OPCML: variants seen among roughly 807,000 people sequenced by gnomAD.
OPCML encodes the protein opioid binding protein/cell adhesion molecule like.
OPCML carries 13 observed loss-of-function variants against 37.8 expected under a neutral mutation model. The ratio of observed to expected loss-of-function variants is 0.34; its 90% CI spans 0.22 to 0.55. OPCML has a LOEUF of 0.55. Among genes scored for constraint, OPCML ranks in the 20% least tolerant of loss-of-function variants. The probability of loss-of-function intolerance (pLI) is 0.91; values close to 1 mark genes in which losing one functional copy is unlikely to be tolerated. For missense variants in OPCML, 341 were observed against 435.6 expected (o/e 0.78, Z 1.93); for synonymous variants, 176 against 168.8 (o/e 1.04, Z -0.33).
intron 2 of OPCML, among the ~76,000 whole-genome samples, chr11:132,753,886 C>A (rs981927657): frequency 1.3e-5 from 2 of 152,236 alleles, no homozygotes; most frequent in African/African-American, 4.8e-5. Flanking sequence ...TTACCTCTCT[C>A]TTCCTGGGAT....
chr11:133,060,444 C>T (rs1265283636), intron 1 of OPCML, among the ~76,000 whole-genome samples: 3 of 152,314 alleles, frequency 2.0e-5, no homozygotes, highest in Admixed American at 2.0e-4. Context: ...AGACAGTTCT[C>T]CACCCTTAAA....
At chr11:132,892,005 C>T (rs1387607546) in intron 2 of OPCML, among the ~76,000 whole-genome samples, 2 of 152,208 alleles carry the variant, frequency 1.3e-5, no homozygotes, top group Non-Finnish European at 2.9e-5. Context: ...CATGGATTTC[C>T]AGCTCCACTC....
intron 3 of OPCML, among the ~76,000 whole-genome samples, chr11:132,596,549 G>C (rs1055325483): frequency 4.6e-5 from 7 of 152,140 alleles, no homozygotes; most frequent in African/African-American, 1.7e-4. Flanking sequence ...CCAAGGACTA[G>C]AGCAAAAACC....
chr11:133,071,286 G>GTA, intron 1 of OPCML, among the ~76,000 whole-genome samples: 1 of 152,086 alleles, frequency 6.6e-6, no homozygotes, highest in South Asian at 2.1e-4. Flanking sequence ...GTGTGTATGT[G>GTA]TGTGTGTGTT....
intron 1 of OPCML, among the ~76,000 whole-genome samples, chr11:133,058,412 C>T (rs989551358): frequency 4.6e-5 from 7 of 152,164 alleles, no homozygotes; most frequent in East Asian, 3.9e-4. Context: ...CGGGGGCACG[C>T]GGGGTGCATC....
At chr11:133,495,129 C>T (rs1260002638) in intron 1 of OPCML, among the ~76,000 whole-genome samples, 2 of 152,150 alleles carry the variant, frequency 1.3e-5, no homozygotes, top group African/African-American at 2.4e-5. Context: ...TAGCTTAGCT[C>T]CTTTATATCT....
At chr11:133,432,921 G>A (rs1591493246) in intron 1 of OPCML, among the ~76,000 whole-genome samples, 1 of 151,876 alleles carries the variant, frequency 6.6e-6, no homozygotes, top group African/African-American at 2.4e-5. Flanking sequence ...TTTTGCTTTG[G>A]GGATACTATA....
At chr11:132,521,710 C>T (rs1432496526) in intron 4 of OPCML, among the ~76,000 whole-genome samples, 1 of 152,042 alleles carries the variant, frequency 6.6e-6, no homozygotes, top group Non-Finnish European at 1.5e-5. Context: ...ACCACCATGG[C>T]ACAAGTATAC....
At chr11:132,565,477 A>T (rs74338321) in intron 3 of OPCML, among the ~76,000 whole-genome samples, 5,716 of 152,204 alleles carry the variant, frequency 0.038, 401 homozygotes, top group African/African-American at 0.13. Flanking sequence ...CAGCATTTCC[A>T]AAGTCCACTC....
intron 2 of OPCML, among the ~76,000 whole-genome samples, chr11:132,914,191 C>T (rs781423267): frequency 2.6e-5 from 4 of 152,198 alleles, no homozygotes; most frequent in Admixed American, 6.5e-5. Context: ...GTCTGTTCCT[C>T]TCCCTCTATG....
At chr11:133,422,583 C>T in intron 1 of OPCML, 1 of 957,314 alleles carries the variant, frequency 1.0e-6, no homozygotes, top group Non-Finnish European at 1.2e-6. Context: ...CCTCAAACTC[C>T]TGGGCTCAAG....
At chr11:132,455,245 G>T (rs532208659) in intron 4 of OPCML, among the ~76,000 whole-genome samples, 4 of 152,258 alleles carry the variant, frequency 2.6e-5, no homozygotes, top group Admixed American at 2.6e-4. Context: ...ACAGTGTATT[G>T]TACACCCATC....
chr11:133,321,835 C>A (rs1943337228), intron 1 of OPCML, among the ~76,000 whole-genome samples: 1 of 151,988 alleles, frequency 6.6e-6, no homozygotes, highest in African/African-American at 2.4e-5. Flanking sequence ...ATGGAAAATA[C>A]CTGCGTGACT....
chr11:133,163,340 T>C (rs1160806541), intron 1 of OPCML, among the ~76,000 whole-genome samples: 1 of 152,136 alleles, frequency 6.6e-6, no homozygotes, highest in Non-Finnish European at 1.5e-5. Context: ...ATTGCATAGA[T>C]AGAAAATGTA....
At chr11:133,434,788 T>TTATATA (rs1388445894) in intron 1 of OPCML, among the ~76,000 whole-genome samples, 11 of 119,184 alleles carry the variant, frequency 9.2e-5, no homozygotes, top group African/African-American at 4.0e-4. Flanking sequence ...AAAAAAAAAA[T>TTATATA]TATATATATG....
chr11:132,609,156 C>A (rs564453348), intron 3 of OPCML, among the ~76,000 whole-genome samples: 1 of 152,058 alleles, frequency 6.6e-6, no homozygotes, highest in South Asian at 2.1e-4. Context: ...AATGCCAAAC[C>A]CTTCTGTGCA....
intron 2 of OPCML, among the ~76,000 whole-genome samples, chr11:132,900,930 T>C (rs891117618): frequency 1.3e-5 from 2 of 152,164 alleles, no homozygotes; most frequent in Admixed American, 6.5e-5. Context: ...CAGTGACTCA[T>C]GCCTGTAATC....
At chr11:133,376,708 A>T (rs1027612544) in intron 1 of OPCML, among the ~76,000 whole-genome samples, 3 of 152,246 alleles carry the variant, frequency 2.0e-5, no homozygotes, top group African/African-American at 4.8e-5. Flanking sequence ...TCCATTAAAT[A>T]TGAACTCTTG....
chr11:133,176,355 T>A (rs1950374570), intron 1 of OPCML, among the ~76,000 whole-genome samples: 1 of 139,736 alleles, frequency 7.2e-6, no homozygotes, highest in African/African-American at 2.7e-5. Flanking sequence ...TTTTTTTTCA[T>A]TTGTGGCACT....
Sources: gnomAD v4.1 joint callset for allele counts (sites outside exome capture counted in the v4.1 genomes callset) on GRCh38, gnomAD v4.1.1 for gene constraint, MANE v1.5 for transcripts, NCBI Gene and HGNC (gene_info 2026-07-23, HGNC 2026-07-21) for gene names.